COL4A3: variants seen among roughly 807,000 people sequenced by gnomAD.
COL4A3 encodes the protein collagen alpha-3(IV) chain.
COL4A3 carries 135 observed loss-of-function variants against 217.4 expected under a neutral mutation model. That is an observed-to-expected ratio of 0.62 (90% CI 0.54 to 0.72). COL4A3 has a LOEUF of 0.72. Ranked by LOEUF, COL4A3 falls within the 30% of genes least tolerant of loss-of-function variation. The pLI, the probability that COL4A3 is intolerant of heterozygous loss-of-function variation, is 0.00. For synonymous variants in COL4A3, 690 were observed against 736.3 expected, an observed-to-expected ratio of 0.94 and a Z score of 1.02; for missense variants, 1,868 against 2,119.9, an observed-to-expected ratio of 0.88 and a Z score of 2.33.
chr2:227,256,120 A>G, intron 16 of COL4A3, 50 bp downstream of exon 16: 1 of 1,537,268 alleles, frequency 6.5e-7, no homozygotes. Flanking sequence ...CAGTCCTACT[A>G]GCTGAAGAAG....
At chr2:227,233,938 T>C (rs1559850963) in intron 1 of COL4A3, among the ~76,000 whole-genome samples, 1 of 152,086 alleles carries the variant, frequency 6.6e-6, no homozygotes, top group African/African-American at 2.4e-5. Flanking sequence ...AAATGATGGA[T>C]TTGCTAAAAA....
intron 16 of COL4A3, 47 bp from the exon 17 acceptor site, chr2:227,256,296 T>C: frequency 6.4e-7 from 1 of 1,560,988 alleles, no homozygotes. Flanking sequence ...CCAGAAGAAG[T>C]TGGCTCCTGT....
At chr2:227,248,566 C>T in intron 9 of COL4A3, 46 bp downstream of exon 9, 1 of 1,245,602 alleles carries the variant, frequency 8.0e-7, no homozygotes. Flanking sequence ...GTTTTTCACT[C>T]TCTCTCTCTC....
At chr2:227,230,045 C>T (rs1158079931) in intron 1 of COL4A3, among the ~76,000 whole-genome samples, 1 of 122,354 alleles carries the variant, frequency 8.2e-6, no homozygotes, top group African/African-American at 3.1e-5. Flanking sequence ...AGCAAGACTC[C>T]ATCTCAAAAA....
intron 8 of COL4A3, 43 bp downstream of exon 8, chr2:227,247,627 T>C: frequency 8.1e-6 from 13 of 1,596,458 alleles, no homozygotes; most frequent in Non-Finnish European, 1.1e-5. Flanking sequence ...TCTCTAACTG[T>C]ACATATGAAA....
chr2:227,270,025 T>TGAA, intron 24 of COL4A3, 45 bp downstream of exon 24: 1 of 1,527,102 alleles, frequency 6.5e-7, no homozygotes, highest in Non-Finnish European at 9.0e-7. Flanking sequence ...TTTGACAAAT[T>TGAA]GCACACTCTA....
At chr2:227,276,357 C>T (rs371125688) in intron 26 of COL4A3, 28 bp from the exon 27 acceptor site, 28 of 1,533,380 alleles carry the variant, frequency 1.8e-5, no homozygotes, top group Admixed American at 1.7e-4. Context: ...ATATATACCC[C>T]AATCTTATGA....
At chr2:227,206,742 G>C (rs748874204) in intron 1 of COL4A3, among the ~76,000 whole-genome samples, 1 of 152,106 alleles carries the variant, frequency 6.6e-6, no homozygotes, top group Non-Finnish European at 1.5e-5. Context: ...GAGAAGCTTG[G>C]GCTTGATCAC....
At chr2:227,182,874 T>C (rs2065902632) in intron 1 of COL4A3, among the ~76,000 whole-genome samples, 1 of 152,220 alleles carries the variant, frequency 6.6e-6, no homozygotes, top group African/African-American at 2.4e-5. Flanking sequence ...ACATTTGCAA[T>C]GTGTTTAATA....
At chr2:227,294,148 G>T in intron 38 of COL4A3, 2 of 303,912 alleles carry the variant, frequency 6.6e-6, no homozygotes, top group East Asian at 8.4e-5. Context: ...TGAAACTATC[G>T]GGTTGCAGAT....
chr2:227,217,047 G>C (rs1049739181), intron 1 of COL4A3, among the ~76,000 whole-genome samples: 2 of 152,168 alleles, frequency 1.3e-5, no homozygotes, highest in African/African-American at 2.4e-5. Flanking sequence ...ACTTTATAAA[G>C]AAAAAGAAGT....
intron 37 of COL4A3, among the ~76,000 whole-genome samples, chr2:227,292,669 CAT>C (rs2072814057): frequency 6.6e-6 from 1 of 152,198 alleles, no homozygotes; most frequent in Non-Finnish European, 1.5e-5. Context: ...ATGTGATTGA[CAT>C]ATGTGCATGC....
intron 1 of COL4A3, among the ~76,000 whole-genome samples, chr2:227,171,748 A>G (rs1343127135): frequency 1.3e-5 from 2 of 152,212 alleles, no homozygotes; most frequent in African/African-American, 4.8e-5. Flanking sequence ...CAGAAGGCTG[A>G]AGGAGAGACC....
chr2:227,247,620 C>G (rs199554419), intron 8 of COL4A3, 36 bp downstream of exon 8: 3 of 1,605,640 alleles, frequency 1.9e-6, no homozygotes, highest in Middle Eastern at 1.7e-4. Context: ...CTGAAAATCT[C>G]TAACTGTACA....
At chr2:227,168,470 A>G (rs539207614) in intron 1 of COL4A3, among the ~76,000 whole-genome samples, 10 of 152,250 alleles carry the variant, frequency 6.6e-5, no homozygotes, top group Non-Finnish European at 1.5e-4. Context: ...CTGTCTGTTT[A>G]TCTATTGTGA....
chr2:227,236,018 C>CT (rs547431689), intron 1 of COL4A3, among the ~76,000 whole-genome samples: 4 of 71,792 alleles, frequency 5.6e-5, no homozygotes, highest in South Asian at 2.8e-4. Flanking sequence ...AGGTGATCCG[C>CT]CCCCCTGGGC....
intron 8 of COL4A3, 63 bp downstream of exon 8, chr2:227,247,647 A>T (rs1406968291): frequency 6.8e-7 from 1 of 1,478,804 alleles, no homozygotes; most frequent in Non-Finnish European, 9.5e-7. Flanking sequence ...AAGGACGTCT[A>T]TTAAATAATG....
At chr2:227,233,690 T>A (rs1298296596) in intron 1 of COL4A3, among the ~76,000 whole-genome samples, 2 of 151,782 alleles carry the variant, frequency 1.3e-5, no homozygotes, top group African/African-American at 4.8e-5. Flanking sequence ...AAAGAAAAAA[T>A]CAAGAACTGT....
At chr2:227,293,755 C>T (rs1285039269) in intron 38 of COL4A3, 6 of 469,564 alleles carry the variant, frequency 1.3e-5, no homozygotes, top group Non-Finnish European at 2.6e-5. Flanking sequence ...CCAGCAGCTC[C>T]GAGTCTGTGA....
Sources: gnomAD v4.1 joint callset for allele counts (sites outside exome capture counted in the v4.1 genomes callset) on GRCh38, gnomAD v4.1.1 for gene constraint, MANE v1.5 for transcripts, NCBI Gene and HGNC (gene_info 2026-07-23, HGNC 2026-07-21) for gene names.